Variants in CD72 observed in about 807,000 individuals in gnomAD.
CD72 encodes the protein CD72 molecule.
In CD72, 28 loss-of-function variants were observed where a neutral mutation model predicts 50.7. That is an observed-to-expected ratio of 0.55 (90% CI 0.41 to 0.76). The LOEUF (loss-of-function observed/expected upper bound fraction) is 0.76, where lower values mean the gene tolerates loss of function less well. CD72 is among the 30% of genes least tolerant of loss of function. The probability of loss-of-function intolerance (pLI) is 0.00; values close to 1 mark genes in which losing one functional copy is unlikely to be tolerated. For missense variants in CD72, 403 were observed against 420.6 expected, an observed-to-expected ratio of 0.96 and a Z score of 0.37; for synonymous variants, 176 against 171.2, an observed-to-expected ratio of 1.03 and a Z score of -0.22.
rs1822991437 is a variant in CD72 at position 35,611,844 on chromosome 9, T to TA, written c.909dup (p.Asn304Ter). On this transcript the variant is annotated frameshift_variant, in exon 7 of 9. Coordinates refer to ENST00000259633, the MANE Select transcript of CD72 (RefSeq NM_001782.3). LOFTEE classifies it high-confidence loss of function. ...TCATCAGTCAACTTCCAATCCTTGT[T>TA]AGAGCTGAGGCCAGTCCAATATGAA... The TA allele has an allele frequency of 6.2e-7, 1 of 1,612,828 alleles. No individual in the cohort carries two copies. The highest frequency in any genetic ancestry group is 1.7e-5 in the Admixed American group (1 of 60,004).
chr9:35,610,682 G>T lies in CD72; in HGVS notation c.1022C>A (p.Ser341Ter). 1 of 1,612,738 alleles carries T rather than the reference G, an allele frequency of 6.2e-7. No homozygotes were observed. The highest frequency in any genetic ancestry group is 1.1e-5 in the South Asian group (1 of 91,044). The change falls in exon 8 of 9, where the codon TCA (serine) becomes TAA (stop). Residue 341 changes from serine to a stop codon, truncating the protein, a stop_gained. Coordinates refer to ENST00000259633, the MANE Select transcript of CD72 (RefSeq NM_001782.3). LOFTEE classifies it high-confidence loss of function. The stretch of plus-strand genomic sequence containing the variant: ...GATGTAGGGAAGAGAACTTCTACAT[G>T]ACTCTGACTCCAGTGTCCACCATGA... ...TWSWWTLESE[S>*]CRSSLPYICE... is the part of the protein sequence containing the mutation.
upstream of CD72, among the ~76,000 whole-genome samples, chr9:35,623,742 C>A (rs941911051): frequency 6.6e-6 from 1 of 152,094 alleles, no homozygotes; most frequent in African/African-American, 2.4e-5. Flanking sequence ...CATGGCGAAA[C>A]CCCGTCTCTA....
At chr9:35,623,202 C>CA (rs1349607200), upstream of CD72, among the ~76,000 whole-genome samples, 1 of 152,186 alleles carries the variant, frequency 6.6e-6, no homozygotes, top group African/African-American at 2.4e-5. Context: ...ATTGCATAAG[C>CA]ATAGGATGGA....
chr9:35,643,804 C>T (rs10972543), intron 1 of CD72, among the ~76,000 whole-genome samples: 18,828 of 152,036 alleles, frequency 0.12, 1,574 homozygotes, highest in East Asian at 0.4. Flanking sequence ...ATAGTGAAAC[C>T]TCATCTCTAC....
upstream of CD72, among the ~76,000 whole-genome samples, chr9:35,622,268 T>C (rs1180429064): frequency 6.6e-6 from 1 of 152,192 alleles, no homozygotes; most frequent in Admixed American, 6.5e-5. Flanking sequence ...GATTGCACCA[T>C]GAGGGAGACT....
chr9:35,617,311 C>T, intron 2 of CD72, 64 bp from the exon 3 acceptor site: 2 of 1,486,750 alleles, frequency 1.3e-6, no homozygotes, highest in African/African-American at 1.4e-5. Context: ...TCCTCCTGCG[C>T]ACCCGCTTCG....
chr9:35,628,004 T>C (rs1048079267), intron 1 of CD72, among the ~76,000 whole-genome samples: 1 of 151,868 alleles, frequency 6.6e-6, no homozygotes, highest in Non-Finnish European at 1.5e-5. Flanking sequence ...CCAGACTAAT[T>C]TTGTTGTTGT....
chr9:35,645,749 T>A (rs890884421), intron 1 of CD72, among the ~76,000 whole-genome samples: 4 of 152,182 alleles, frequency 2.6e-5, no homozygotes, highest in Non-Finnish European at 5.9e-5. Flanking sequence ...TTTCCCTCCT[T>A]GTAAGAAAAC....
upstream of CD72, among the ~76,000 whole-genome samples, chr9:35,622,822 CA>C (rs1823157872): frequency 6.6e-6 from 1 of 151,634 alleles, no homozygotes; most frequent in African/African-American, 2.4e-5. Context: ...ATAATAACAG[CA>C]AAGTCAGGCA....
intron 7 of CD72, 111 bp downstream of exon 7, chr9:35,611,693 T>C (rs1352422769): frequency 1.7e-5 from 11 of 642,594 alleles, no homozygotes; most frequent in Middle Eastern, 5.1e-4. Context: ...AATTACAGTG[T>C]TGATTTATGG....
rs143532043 is a variant in CD72, at chr9:35,627,573, C to T, written n.409-9452G>A. ...CATGGGTGCCCCTTGGTGTTCCATG[C>T]TCAGTGATATATTGGGCAACTTTAA... On this transcript the variant is annotated intron_variant and non_coding_transcript_variant, in intron 1 of 3. Coordinates refer to the CD72 transcript ENST00000465754. Among the ~76,000 whole-genome samples, 248 of 152,260 alleles carry T rather than the reference C, an allele frequency of 1.6e-3. 2 individuals are homozygous for T. The highest frequency in any genetic ancestry group is 5.6e-3 in the African/African-American group (233 of 41,542).
At position 35,618,337 on chromosome 9, in the gene CD72, C is replaced by T. The variant is rs1262422573; in HGVS notation, c.-34G>A. On this transcript the variant is annotated 5_prime_UTR_variant, in exon 1 of 9. Transcript: ENST00000259633. ...GCAGCTCTGCCCCCACTCGTCTTCC[C>T]TGTCATCCACTGTCCTCCCTTGCCC... 1 of 1,613,612 alleles carries T rather than the reference C, an allele frequency of 6.2e-7. No homozygotes were observed. The highest frequency in any genetic ancestry group is 1.1e-5 in the South Asian group (1 of 90,964).
chr9:35,629,337 C>G (rs1823222919), intron 1 of CD72, among the ~76,000 whole-genome samples: 3 of 152,038 alleles, frequency 2.0e-5, no homozygotes. Context: ...ACATTTTAAG[C>G]TTAAAGGAAA....
At chr9:35,616,346 T>A in intron 4 of CD72, 68 bp from the exon 5 acceptor site, 1 of 1,282,468 alleles carries the variant, frequency 7.8e-7, no homozygotes, top group Non-Finnish European at 1.1e-6. Flanking sequence ...GACTGCAGCA[T>A]CAGCCCTTTT....
In CD72 at chr9:35,610,747, A is replaced by AT; in HGVS notation, c.956dup (p.Tyr319Ter). Reference sequence around the variant, plus strand: ...CCTTGTTACATTTTGAGCTTTGAGCATAAGTCCTAAAAAGTAGTAAGGTAG... The same window carrying AT: ...CCTTGTTACATTTTGAGCTTTGAGCATTAAGTCCTAAAAAGTAGTAAGGTAG... ...LTDDTQRTRT[Y>*]AQSSKCNKVH... Residue 319 changes from tyrosine to a stop codon, truncating the protein, a stop_gained and frameshift_variant, in exon 8 of 9, where the codon TAT (tyrosine) becomes TAAT (stop). Transcript: ENST00000259633. LOFTEE classifies it high-confidence loss of function. 6.2e-7 allele frequency: 1 copy of AT among 1,612,192 alleles called. No homozygotes were observed. Among genetic ancestry groups the AT allele is most frequent in the Non-Finnish European group, 8.5e-7 (1 of 1,179,124 alleles).
intron 1 of CD72, among the ~76,000 whole-genome samples, chr9:35,630,861 C>T (rs757758429): frequency 1.3e-5 from 2 of 152,012 alleles, no homozygotes; most frequent in African/African-American, 2.4e-5. Context: ...CCCAGGAGTT[C>T]GAGATAAACC....
At chr9:35,644,721 G>A (rs1043124878) in intron 1 of CD72, among the ~76,000 whole-genome samples, 1 of 152,094 alleles carries the variant, frequency 6.6e-6, no homozygotes, top group Non-Finnish European at 1.5e-5. Flanking sequence ...ATATCTTAGG[G>A]CCAAATGGCA....
At chr9:35,646,136 G>A (rs2131797040) in intron 1 of CD72, 1 of 152,346 alleles carries the variant, frequency 6.6e-6, no homozygotes, top group Admixed American at 6.5e-5. Flanking sequence ...CTCCAGCCTG[G>A]GCGACAGGAG....
At position 35,610,236 on chromosome 9, in the gene CD72, T is replaced by G; in HGVS notation, c.*87A>C. 5.0e-6 allele frequency: 1 copy of G among 201,208 alleles called. No homozygotes were observed. The highest frequency in any genetic ancestry group is 1.0e-5 in the Non-Finnish European group (1 of 100,150). 12.5% of individuals were successfully genotyped at this position (201,208 alleles called of 1,614,324 possible). On this transcript the variant is annotated 3_prime_UTR_variant, in exon 9 of 9. Transcript: ENST00000259633. ...TGGGCACTGCCCAGAATGAAGGAGA[T>G]GGTCTGAGGAACCCCAGGCCTCAGG...
Sources: gnomAD v4.1 joint callset for allele counts (sites outside exome capture counted in the v4.1 genomes callset) on GRCh38, gnomAD v4.1.1 for gene constraint, MANE v1.5 for transcripts, NCBI Gene and HGNC (gene_info 2026-07-23, HGNC 2026-07-21) for gene names.